TTLL11: variants seen among roughly 807,000 people sequenced by gnomAD.
TTLL11 encodes the protein tubulin polyglutamylase TTLL11.
TTLL11 carries 42 observed loss-of-function variants against 51.7 expected under a neutral mutation model. That is an observed-to-expected ratio of 0.81 (90% confidence interval 0.64 to 1.05). TTLL11 has a LOEUF of 1.05. Ranked by LOEUF, TTLL11 falls within the 50% of genes least tolerant of loss-of-function variation. The pLI, the probability that TTLL11 is intolerant of heterozygous loss-of-function variation, is 0.00. For missense variants in TTLL11, 799 were observed against 940.4 expected, an observed-to-expected ratio of 0.85 and a Z score of 1.97; for synonymous variants, 381 against 383.5, an observed-to-expected ratio of 0.99 and a Z score of 0.08.
intron 1 of TTLL11, among the ~76,000 whole-genome samples, chr9:122,044,667 A>G (rs1390339456): frequency 1.3e-5 from 2 of 152,258 alleles, no homozygotes; most frequent in Non-Finnish European, 1.5e-5. Context: ...AAAAACACTT[A>G]CAAAATGGAC....
At chr9:121,988,376 C>G (rs572148539) in intron 4 of TTLL11, among the ~76,000 whole-genome samples, 1 of 152,098 alleles carries the variant, frequency 6.6e-6, no homozygotes, top group Admixed American at 6.6e-5. Context: ...AACCAATACC[C>G]AGGCTCTCGA....
At chr9:121,921,841 G>A (rs1840556881) in intron 6 of TTLL11, among the ~76,000 whole-genome samples, 1 of 152,148 alleles carries the variant, frequency 6.6e-6, no homozygotes, top group Non-Finnish European at 1.5e-5. Flanking sequence ...GATGTTCACA[G>A]CCGCCTCCTC....
At chr9:121,836,067 C>T (rs544266282) in intron 8 of TTLL11, among the ~76,000 whole-genome samples, 16 of 152,312 alleles carry the variant, frequency 1.1e-4, no homozygotes, top group Admixed American at 3.3e-4. Flanking sequence ...ATGTGTCAGG[C>T]ACTGTGGTGA....
Position 121,820,238 on chromosome 9 carries a change from T to C in TTLL11, c.*2349A>G, listed in dbSNP as rs191116901. On this transcript the variant is annotated 3_prime_UTR_variant, in exon 9 of 9. Coordinates refer to ENST00000321582, the MANE Select transcript of TTLL11 (RefSeq NM_001139442.2). ...TTTTCAAAATATTCAATGTGCTTGGTTGGTTTTAGACCTGAACATTGCGCT... is the reference window on the plus strand; with the variant it reads ...TTTTCAAAATATTCAATGTGCTTGGCTGGTTTTAGACCTGAACATTGCGCT... 3.3e-5 allele frequency among the ~76,000 whole-genome samples: 5 copies of C among 152,348 alleles called. No homozygotes were observed. The highest frequency in any genetic ancestry group is 3.3e-4 in the Admixed American group (5 of 15,312).
intron 6 of TTLL11, among the ~76,000 whole-genome samples, chr9:121,901,177 T>C (rs999244436): frequency 6.6e-6 from 1 of 152,256 alleles, no homozygotes; most frequent in Non-Finnish European, 1.5e-5. Flanking sequence ...CTGATTTTTG[T>C]ATACTGATTT....
intron 4 of TTLL11, among the ~76,000 whole-genome samples, chr9:121,980,783 G>A (rs1039306459): frequency 1.4e-4 from 22 of 152,212 alleles, no homozygotes; most frequent in Non-Finnish European, 2.4e-4. Context: ...ATGATAGACT[G>A]GATTAAGAAA....
chr9:122,026,298 C>G (rs1317500746), intron 3 of TTLL11, among the ~76,000 whole-genome samples: 1 of 151,036 alleles, frequency 6.6e-6, no homozygotes, highest in Non-Finnish European at 1.5e-5. Context: ...ATTAGCTGGA[C>G]ATGGTGGCAC....
chr9:121,865,920 G>A (rs16911057), intron 7 of TTLL11, among the ~76,000 whole-genome samples: 14,648 of 152,224 alleles, frequency 0.096, 945 homozygotes, highest in East Asian at 0.23. Flanking sequence ...AATTCACTCC[G>A]AAAACTGCTG....
intron 4 of TTLL11, among the ~76,000 whole-genome samples, chr9:121,981,074 A>G (rs1004228864): frequency 1.3e-5 from 2 of 151,292 alleles, no homozygotes; most frequent in African/African-American, 2.4e-5. Context: ...TGAGCTTCTT[A>G]GATTGTGGGT....
intron 1 of TTLL11, among the ~76,000 whole-genome samples, chr9:122,048,420 G>A (rs759612112): frequency 1.8e-4 from 28 of 152,114 alleles, no homozygotes; most frequent in African/African-American, 6.5e-4. Flanking sequence ...TACCATCTTG[G>A]CTTTCCAAAG....
At position 122,092,963 on chromosome 9, in the gene TTLL11, G is replaced by A; in HGVS notation, c.186C>T (p.Val62=). 6.3e-7 allele frequency: 1 copy of A among 1,578,068 alleles called. No individual in the cohort carries two copies. Among genetic ancestry groups the A allele is most frequent in the East Asian group, 2.3e-5 (1 of 42,822 alleles). ...ECKAGEEQPK[V]LAPAPAQPSA... is the part of the protein sequence containing the mutation. ...TGGGCTGCGCCGGGGCCGGGGCCAG[G>A]ACCTTGGGCTGCTCCTCCCCTGCCT... The change falls in exon 1 of 9, where the codon GTC becomes GTT. Residue 62 remains valine, a synonymous_variant. Coordinates refer to ENST00000321582, the MANE Select transcript of TTLL11 (RefSeq NM_001139442.2).
intron 6 of TTLL11, among the ~76,000 whole-genome samples, chr9:121,930,265 T>A (rs1172268678): frequency 6.6e-5 from 10 of 152,178 alleles, no homozygotes. Flanking sequence ...TTGTAAATTA[T>A]GGGGTAAAAC....
At chr9:121,904,317 T>C (rs925626311) in intron 6 of TTLL11, among the ~76,000 whole-genome samples, 6 of 152,094 alleles carry the variant, frequency 3.9e-5, no homozygotes, top group African/African-American at 1.4e-4. Context: ...GCTAGGACTA[T>C]AGGCACGCAC....
chr9:122,055,178 G>A lies in TTLL11; in HGVS notation c.463-15810C>T, dbSNP rs554126789. On this transcript the variant is annotated intron_variant, in intron 1 of 8. Transcript: ENST00000321582. ...CTGAAGGGGGGATGTGTCAGTCTGG[G>A]TTCTCTAGAAAGACAGGACTAATAG... Among the ~76,000 whole-genome samples, 6 of 151,282 alleles carry A rather than the reference G, an allele frequency of 4.0e-5. 1 individual carries two copies. The highest frequency in any genetic ancestry group is 1.5e-4 in the African/African-American group (6 of 41,140).
intron 4 of TTLL11, among the ~76,000 whole-genome samples, chr9:121,981,645 T>C (rs901280697): frequency 6.6e-6 from 1 of 152,216 alleles, no homozygotes; most frequent in African/African-American, 2.4e-5. Context: ...CAATGCTGAG[T>C]GTCTGGACTT....
chr9:122,073,302 C>A (rs183629004), intron 1 of TTLL11, among the ~76,000 whole-genome samples: 2 of 151,990 alleles, frequency 1.3e-5, no homozygotes, highest in Non-Finnish European at 2.9e-5. Flanking sequence ...CCCAGTTACT[C>A]GGGAGGCTGA....
intron 6 of TTLL11, among the ~76,000 whole-genome samples, chr9:121,893,919 G>GT (rs1205658520): frequency 1.3e-5 from 2 of 152,190 alleles, no homozygotes; most frequent in African/African-American, 2.4e-5. Context: ...TGAGAAAAAT[G>GT]TAAGTATCAT....
At chr9:122,047,584 G>A (rs58596759) in intron 1 of TTLL11, among the ~76,000 whole-genome samples, 3,497 of 152,066 alleles carry the variant, frequency 0.023, 58 homozygotes, top group Non-Finnish European at 0.038. Flanking sequence ...CAGAGAGAGA[G>A]AGTACATGTT....
intron 6 of TTLL11, among the ~76,000 whole-genome samples, chr9:121,947,874 G>A (rs1410293394): frequency 6.6e-6 from 1 of 152,220 alleles, no homozygotes; most frequent in Non-Finnish European, 1.5e-5. Flanking sequence ...TCTCTCCCCA[G>A]CATGGTTCCT....
Sources: gnomAD v4.1 joint callset for allele counts (sites outside exome capture counted in the v4.1 genomes callset) on GRCh38, gnomAD v4.1.1 for gene constraint, MANE v1.5 for transcripts, NCBI Gene and HGNC (gene_info 2026-07-23, HGNC 2026-07-21) for gene names.